Variants in TEX11 observed in about 807,000 individuals in gnomAD.
TEX11 encodes testis expressed 11.
In TEX11, 7 loss-of-function variants were observed where a neutral mutation model predicts 84.4. The ratio of observed to expected loss-of-function variants is 0.08; its 90% CI spans 0.05 to 0.16. The LOEUF (loss-of-function observed/expected upper bound fraction) is 0.16. Among genes scored for constraint, TEX11 ranks in the 10% least tolerant of loss-of-function variants. The pLI is 1.00. For synonymous variants in TEX11, 264 were observed against 222.8 expected, an observed-to-expected ratio of 1.18 and a Z score of -1.64; for missense variants, 551 against 660.5, an observed-to-expected ratio of 0.83 and a Z score of 1.82.
chrX:70,763,855 T>A (rs1446233657), intron 9 of TEX11, among the ~76,000 whole-genome samples: 1 of 111,694 alleles, frequency 9.0e-6, no homozygotes, highest in Admixed American at 9.5e-5. Context: ...TTATCAGAGA[T>A]AAAGAGAAAC....
At chrX:70,576,071 A>G (rs1297246909) in intron 25 of TEX11, among the ~76,000 whole-genome samples, 2 of 112,223 alleles carry the variant, frequency 1.8e-5, no homozygotes, top group Non-Finnish European at 3.8e-5. Flanking sequence ...GGAATTTAAT[A>G]AATACTTTGC....
At chrX:70,634,635 A>G (rs1392000430) in intron 17 of TEX11, among the ~76,000 whole-genome samples, 4 of 111,295 alleles carry the variant, frequency 3.6e-5, no homozygotes, top group Non-Finnish European at 1.9e-5. Flanking sequence ...AATTTCTGAT[A>G]AAGGCACAAA....
At chrX:70,583,887 G>A (rs983563699) in intron 25 of TEX11, among the ~76,000 whole-genome samples, 6 of 111,940 alleles carry the variant, frequency 5.4e-5, no homozygotes, top group African/African-American at 1.9e-4. Context: ...GGCCCAATTT[G>A]CCTCTAACAA....
At chrX:70,784,450 A>G (rs2091063907) in intron 9 of TEX11, among the ~76,000 whole-genome samples, 1 of 111,791 alleles carries the variant, frequency 8.9e-6, no homozygotes, top group Admixed American at 9.6e-5. Flanking sequence ...CACCACTCCT[A>G]TTCAACATAA....
At chrX:70,908,249 AAAC>A (rs1331534359) in intron 1 of TEX11, among the ~76,000 whole-genome samples, 1 of 111,363 alleles carries the variant, frequency 9.0e-6, no homozygotes, top group African/African-American at 3.3e-5. Context: ...TTCAGCATCT[AAAC>A]AACAATAACT....
intron 9 of TEX11, among the ~76,000 whole-genome samples, chrX:70,792,074 G>A (rs1413582677): frequency 6.2e-5 from 6 of 97,507 alleles, no homozygotes; most frequent in Non-Finnish European, 1.0e-4. Flanking sequence ...GTGGTGAGCC[G>A]AGATTGCGCC....
At chrX:70,569,055 G>T (rs1219805593) in intron 25 of TEX11, among the ~76,000 whole-genome samples, 1 of 112,017 alleles carries the variant, frequency 8.9e-6, no homozygotes, top group Non-Finnish European at 1.9e-5. Context: ...ATCAGATGCA[G>T]ATTTGGTCTT....
intron 9 of TEX11, among the ~76,000 whole-genome samples, chrX:70,782,193 C>A (rs770849159): frequency 2.7e-5 from 3 of 111,570 alleles, no homozygotes; most frequent in African/African-American, 6.5e-5. Flanking sequence ...AATTTTCAAC[C>A]CAGAATTTCA....
intron 5 of TEX11, chrX:70,857,585 CA>C: frequency 3.7e-6 from 1 of 271,306 alleles, no homozygotes; most frequent in Non-Finnish European, 6.9e-6. Context: ...TCATATATCT[CA>C]AAATGGTTCA....
chrX:70,872,869 T>C (rs767310548), intron 4 of TEX11, among the ~76,000 whole-genome samples: 11 of 112,034 alleles, frequency 9.8e-5, no homozygotes, highest in African/African-American at 3.6e-4. Context: ...TATTTGATGG[T>C]CCTTCAGAAC....
intron 9 of TEX11, among the ~76,000 whole-genome samples, chrX:70,764,937 T>G (rs1300040951): frequency 9.0e-6 from 1 of 110,685 alleles, no homozygotes; most frequent in East Asian, 2.8e-4. Context: ...TTCTGAAAAA[T>G]AGAGGAGGAG....
At chrX:70,681,560 T>C (rs1325388922) in intron 14 of TEX11, among the ~76,000 whole-genome samples, 1 of 112,265 alleles carries the variant, frequency 8.9e-6, no homozygotes, top group Non-Finnish European at 1.9e-5. Flanking sequence ...TTAACAACTA[T>C]TTTATTTTAT....
At chrX:70,614,925 C>T (rs763973741) in intron 20 of TEX11, among the ~76,000 whole-genome samples, 27 of 110,813 alleles carry the variant, frequency 2.4e-4, no homozygotes, top group African/African-American at 8.2e-4. Flanking sequence ...AGAATTCTTC[C>T]GGACCTTATT....
At chrX:70,575,447 T>A (rs2088660812) in intron 25 of TEX11, among the ~76,000 whole-genome samples, 2 of 111,809 alleles carry the variant, frequency 1.8e-5, no homozygotes, top group African/African-American at 3.3e-5. Flanking sequence ...GGGTTACAGA[T>A]AGCCCTTATG....
chrX:70,815,364 T>C (rs1410837646), intron 8 of TEX11, among the ~76,000 whole-genome samples: 1 of 111,652 alleles, frequency 9.0e-6, no homozygotes, highest in African/African-American at 3.2e-5. Context: ...AGTTAATACA[T>C]TTATTACTAT....
chrX:70,690,217 C>A (rs2090222655), intron 13 of TEX11, among the ~76,000 whole-genome samples: 1 of 111,327 alleles, frequency 9.0e-6, no homozygotes, highest in Admixed American at 9.6e-5. Context: ...TAGGTAACAA[C>A]AAAGGAAATT....
chrX:70,605,101 G>A (rs2404186), intron 24 of TEX11, among the ~76,000 whole-genome samples: 8,644 of 110,561 alleles, frequency 0.078, 411 homozygotes, highest in Admixed American at 0.25. Context: ...GTCCAAACGC[G>A]TATATAATCA....
chrX:70,634,184 A>G (rs2089542867), intron 17 of TEX11, among the ~76,000 whole-genome samples: 1 of 111,885 alleles, frequency 8.9e-6, no homozygotes, highest in African/African-American at 3.2e-5. Flanking sequence ...GACAGGTACA[A>G]TGAAAAGTAG....
chrX:70,614,198 G>A (rs1234839043), intron 20 of TEX11, among the ~76,000 whole-genome samples: 1 of 111,335 alleles, frequency 9.0e-6, no homozygotes, highest in African/African-American at 3.3e-5. Flanking sequence ...TATGCCTTAG[G>A]TACCAGCTCA....
Sources: allele counts gnomAD v4.1 joint callset (sites outside exome capture counted in the v4.1 genomes callset), GRCh38; gene constraint gnomAD v4.1.1; transcripts MANE v1.5; gene names NCBI Gene and HGNC (gene_info 2026-07-23, HGNC 2026-07-21).